The following TRIM9 variants were observed in gnomAD, a reference collection of about 807,000 sequenced individuals.
TRIM9 encodes tripartite motif containing 9.
TRIM9 carries 26 observed loss-of-function variants against 78.3 expected under a neutral mutation model. The observed-to-expected ratio is 0.33, with a 90% CI of 0.24 to 0.46. The LOEUF (loss-of-function observed/expected upper bound fraction) is 0.46. TRIM9 is among the 20% of genes least tolerant of loss of function. TRIM9 has a pLI of 1.00. For synonymous variants in TRIM9, 398 were observed against 416.5 expected, an observed-to-expected ratio of 0.96 and a Z score of 0.54; for missense variants, 787 against 1,036.4, an observed-to-expected ratio of 0.76 and a Z score of 3.30.
intron 1 of TRIM9, among the ~76,000 whole-genome samples, chr14:51,036,048 G>C (rs2059119624): frequency 6.6e-6 from 1 of 152,188 alleles, no homozygotes; most frequent in South Asian, 2.1e-4. Context: ...AAAAGCCACA[G>C]AGACTTGGCA....
Position 51,094,360 on chromosome 14 carries a change from G to A in TRIM9, c.580C>T (p.Arg194Cys), listed in dbSNP as rs762107813. The A allele has an allele frequency of 6.2e-7, 1 of 1,613,698 alleles. No individual in the cohort carries two copies. Among genetic ancestry groups the A allele is most frequent in the East Asian group, 2.2e-5 (1 of 44,886 alleles). ...QCDVFYCDPC[R>C]LRCHPPRGPL... ...CCCCGGGGCGGGTGGCAGCGCAGGC[G>A]GCACGGATCGCAGTAGAAGACATCG... Residue 194 changes from arginine (R) to cysteine (C), a missense_variant, in exon 1 of 13, where the codon CGC becomes TGC. By Grantham distance (180) the Arg-to-Cys change is radical. This residue lies in a region of TRIM9 where 352 missense variants were observed against 472.3 expected (regional missense o/e 0.75). Coordinates refer to ENST00000684578, the MANE Select transcript of TRIM9 (RefSeq NM_001387360.1).
intron 3 of TRIM9, among the ~76,000 whole-genome samples, chr14:51,016,485 GCTCT>G (rs913468707): frequency 4.9e-5 from 5 of 101,034 alleles, no homozygotes; most frequent in Admixed American, 2.6e-4. Flanking sequence ...CCCCCCTGCA[GCTCT>G]CTCTCTCTAA....
At chr14:51,041,390 A>G (rs1482746027) in intron 1 of TRIM9, among the ~76,000 whole-genome samples, 1 of 152,278 alleles carries the variant, frequency 6.6e-6, no homozygotes, top group East Asian at 1.9e-4. Context: ...AACAAAGTGC[A>G]GGGAAATGCC....
chr14:51,009,918 T>A (rs2056356716), intron 4 of TRIM9, among the ~76,000 whole-genome samples: 1 of 152,092 alleles, frequency 6.6e-6, no homozygotes, highest in Non-Finnish European at 1.5e-5. Flanking sequence ...GAATGAGAAA[T>A]CTCTGCATTT....
intron 10 of TRIM9, 169 bp from the exon 11 acceptor site, chr14:50,982,272 C>G (rs1596089192): frequency 2.9e-6 from 2 of 698,212 alleles, no homozygotes; most frequent in African/African-American, 1.8e-5. Context: ...AGTTGGTACT[C>G]TCTGCACCAG....
intron 1 of TRIM9, among the ~76,000 whole-genome samples, chr14:51,093,316 G>T (rs1357402626): frequency 6.6e-6 from 1 of 152,240 alleles, no homozygotes; most frequent in African/African-American, 2.4e-5. Context: ...AAGAGGAAAG[G>T]GCTTGAATTC....
chr14:51,074,316 A>ATG (rs1235211219), intron 1 of TRIM9, among the ~76,000 whole-genome samples: 1 of 152,184 alleles, frequency 6.6e-6, no homozygotes, highest in African/African-American at 2.4e-5. Context: ...AAATAACAGT[A>ATG]TGTAAATAAT....
intron 4 of TRIM9, among the ~76,000 whole-genome samples, chr14:51,010,179 T>C (rs1365519740): frequency 6.6e-6 from 1 of 151,998 alleles, no homozygotes; most frequent in Non-Finnish European, 1.5e-5. Context: ...CCTCTCAGAC[T>C]TGTAGTACAT....
At chr14:51,029,742 C>T (rs915899240) in intron 1 of TRIM9, among the ~76,000 whole-genome samples, 2 of 151,542 alleles carry the variant, frequency 1.3e-5, no homozygotes, top group Non-Finnish European at 2.9e-5. Context: ...CAATCACCTC[C>T]CTGCCATTTT....
intron 3 of TRIM9, among the ~76,000 whole-genome samples, chr14:51,013,822 A>G (rs1009263044): frequency 6.6e-6 from 1 of 152,098 alleles, no homozygotes; most frequent in African/African-American, 2.4e-5. Flanking sequence ...GGGGAGGAAA[A>G]CCCCACAAGT....
intron 1 of TRIM9, among the ~76,000 whole-genome samples, chr14:51,051,932 A>G (rs1596272245): frequency 6.6e-6 from 1 of 151,612 alleles, no homozygotes; most frequent in African/African-American, 2.4e-5. Context: ...ATGCCACTGC[A>G]CTCCAGCCTA....
chr14:51,081,115 A>G (rs1367787741), intron 1 of TRIM9, among the ~76,000 whole-genome samples: 1 of 152,250 alleles, frequency 6.6e-6, no homozygotes, highest in East Asian at 1.9e-4. Context: ...TTAAAAGTGA[A>G]TAAGTATCCA....
Position 50,996,362 on chromosome 14 carries a change from T to C in TRIM9, c.1603+1688A>G, listed in dbSNP as rs184021710. The C allele has an allele frequency of 2.4e-3, 2,333 of 985,368 alleles. 52 individuals are homozygous for C. The African/African-American group carries it at 0.038, about 16-fold the overall frequency. The allele number at this position is 985,368 out of a possible 1,614,324, so 61.0% of individuals were successfully genotyped here. The stretch of plus-strand genomic sequence containing the variant: ...ATTTATTAAATTAGACACCATAATC[T>C]TATGAACATTAAAATAAACTGAGGC... On this transcript the variant is annotated intron_variant, in intron 7 of 12. Coordinates refer to ENST00000684578, the MANE Select transcript of TRIM9 (RefSeq NM_001387360.1).
intron 7 of TRIM9, chr14:50,996,826 T>G (rs1388967305): frequency 1.0e-6 from 1 of 985,324 alleles, no homozygotes; most frequent in Admixed American, 6.1e-5. Context: ...GCATTTTCCC[T>G]CAGCATATCC....
intron 1 of TRIM9, among the ~76,000 whole-genome samples, chr14:51,066,099 G>GGGAGGGAC (rs2061713878): frequency 7.5e-6 from 1 of 134,190 alleles, no homozygotes; most frequent in Admixed American, 7.6e-5. Context: ...GAGGGAGGGA[G>GGGAGGGAC]GGACGGAGGG....
intron 7 of TRIM9, among the ~76,000 whole-genome samples, chr14:50,993,436 T>G (rs528126385): frequency 2.6e-4 from 40 of 151,914 alleles, no homozygotes; most frequent in African/African-American, 9.2e-4. Context: ...TGGTGCAATC[T>G]CAGCTCACCG....
At chr14:50,980,154 T>C (rs981894022) in intron 11 of TRIM9, among the ~76,000 whole-genome samples, 3 of 152,208 alleles carry the variant, frequency 2.0e-5, no homozygotes, top group Non-Finnish European at 4.4e-5. Context: ...TTTTGGCTTG[T>C]TGCATTTGAA....
At position 51,050,718 on chromosome 14, in the gene TRIM9, T is replaced by C. The variant is rs577770933; in HGVS notation, c.823-25358A>G. On this transcript the variant is annotated intron_variant, in intron 1 of 12. Transcript: ENST00000684578. The stretch of plus-strand genomic sequence containing the variant: ...AAGAATACAGCTTCTGGCTGGCTTC[T>C]TCTCCCTCACTCTCTCTGTTTTTCC... Among the ~76,000 whole-genome samples the C allele has an allele frequency of 9.2e-5, 14 of 152,254 alleles. No individual in the cohort carries two copies. In the South Asian group the frequency reaches 2.9e-3, roughly 32 times the overall value.
Position 50,986,105 on chromosome 14 carries a change from G to A in TRIM9, c.1643C>T (p.Pro548Leu). Residue 548 changes from proline (P) to leucine (L), a missense_variant, in exon 8 of 13, where the codon CCT (proline) becomes CTT (leucine). Transcript: ENST00000684578. Reference protein sequence around the residue: ...SEEQTLPFPVPSERLPLRRMS... With the variant: ...SEEQTLPFPVLSERLPLRRMS... ...TCTACGGAGCGGCAATCTTTCCGAA[G>A]GCACTGGAAAAGGGAGGGTCTGTTC... 1.3e-6 allele frequency: 2 copies of A among 1,544,102 alleles called. No individual in the cohort carries two copies. Among genetic ancestry groups the A allele is most frequent in the East Asian group, 4.9e-5 (2 of 40,648 alleles).
Sources: allele counts gnomAD v4.1 joint callset (sites outside exome capture counted in the v4.1 genomes callset), GRCh38; gene constraint gnomAD v4.1.1; regional missense constraint gnomAD v4.1.1; transcripts MANE v1.5; gene names NCBI Gene and HGNC (gene_info 2026-07-23, HGNC 2026-07-21).